Variants in RYR1 observed in about 807,000 individuals in gnomAD.
RYR1 encodes the protein central core disease of muscle.
A neutral mutation model predicts 583.5 loss-of-function variants in RYR1; 342 were observed. The observed-to-expected ratio is 0.59, with a 90% CI of 0.54 to 0.64. RYR1 has a LOEUF of 0.64. Among genes scored for constraint, RYR1 ranks in the 30% least tolerant of loss-of-function variants. The pLI is 0.00. For synonymous variants in RYR1, 2,791 were observed against 2,822.5 expected (o/e 0.99, Z 0.35); for missense variants, 6,032 against 6,917.2 (o/e 0.87, Z 4.54).
intron 97 of RYR1, 130 bp from the exon 98 acceptor site, chr19:38,577,788 T>C (rs1974022304): frequency 2.8e-5 from 34 of 1,219,950 alleles, no homozygotes; most frequent in Non-Finnish European, 3.6e-5. Flanking sequence ...AGAGGGAGAC[T>C]GTCTCAAAAA....
chr19:38,543,427 C>T lies in RYR1; in HGVS notation c.11770C>T (p.Arg3924Trp). The change falls in exon 85 of 106, where the codon CGG becomes TGG. Residue 3924 changes from arginine (R) to tryptophan (W), a missense_variant. Physicochemically the swap from Arg to Trp is moderately radical, Grantham distance 101. Around this residue, in one of 11 missense-constraint regions of RYR1, gnomAD observed 1,493 missense variants for 1,715.5 expected, o/e 0.87. Coordinates refer to ENST00000359596, the MANE Select transcript of RYR1 (RefSeq NM_000540.3). This position sits in a 1 kb window ranked among gnomAD's most constrained non-coding sequence, Gnocchi z 4.4. ...IIICTVDYLL[R>W]LQESISDFYW... ...CATTTGCACTGTGGACTACCTCCTG[C>T]GGCTGCAGGTGAGGACGTGAGACGG... is the stretch of plus-strand genomic sequence containing the variant. The T allele has an allele frequency of 3.1e-6, 5 of 1,614,220 alleles. No individual in the cohort carries two copies. Among genetic ancestry groups the T allele is most frequent in the South Asian group, 1.1e-5 (1 of 91,086 alleles).
chr19:38,536,748 A>G lies in RYR1; in HGVS notation c.11591-2A>G. ...CTCCTCCCATCCTGTTGGCTGCCCC[A>G]GTCATCAATCGCCAGAACGGTAATT... On this transcript the variant is annotated splice_acceptor_variant, in intron 82 of 105. Coordinates refer to ENST00000359596, the MANE Select transcript of RYR1 (RefSeq NM_000540.3). LOFTEE classifies it high-confidence loss of function. 1.2e-6 allele frequency: 2 copies of G among 1,613,474 alleles called. No homozygotes were observed.
At chr19:38,489,506 G>A in intron 35 of RYR1, 63 bp downstream of exon 35, 1 of 1,593,038 alleles carries the variant, frequency 6.3e-7, no homozygotes, top group Non-Finnish European at 8.6e-7. Context: ...CAGGGTAGGT[G>A]GGATGTGAGT....
At position 38,489,282 on chromosome 19, in the gene RYR1, G is replaced by A; in HGVS notation, c.5653G>A (p.Glu1885Lys). ...GGAGGAGGACGAGGAGGAAGAGGGT[G>A]AAGAGGAAGATGAGGAGGAGAAGGA... ...EEEEDEEEEG[E>K]EEDEEEKEED... The change falls in exon 35 of 106, where the codon GAA (glutamate) becomes AAA (lysine). Residue 1885 changes from glutamate (E) to lysine (K), a missense_variant. Transcript: ENST00000359596. 6.2e-7 allele frequency: 1 copy of A among 1,606,784 alleles called. No homozygotes were observed. Among genetic ancestry groups the A allele is most frequent in the Non-Finnish European group, 8.5e-7 (1 of 1,173,516 alleles).
At chr19:38,581,039 C>T (rs958395347) in intron 101 of RYR1, among the ~76,000 whole-genome samples, 1 of 151,924 alleles carries the variant, frequency 6.6e-6, no homozygotes, top group Non-Finnish European at 1.5e-5. Flanking sequence ...GCTGGGACTA[C>T]AGGCGCATGC....
intron 13 of RYR1, among the ~76,000 whole-genome samples, chr19:38,453,984 C>T (rs1488387663): frequency 6.6e-6 from 1 of 152,186 alleles, no homozygotes; most frequent in Non-Finnish European, 1.5e-5. Flanking sequence ...CTTTGAGGCA[C>T]TGCTCCTCTC....
intron 11 of RYR1, among the ~76,000 whole-genome samples, chr19:38,450,175 CCAGAG>C (rs1261584182): frequency 1.3e-5 from 2 of 152,040 alleles, no homozygotes; most frequent in Non-Finnish European, 2.9e-5. Context: ...AGCAGGGAGA[CCAGAG>C]AAGAGACTGC....
chr19:38,457,588 G>A lies in RYR1; in HGVS notation c.1883G>A (p.Arg628His), dbSNP rs780833516. 31 of 1,614,002 alleles carry A rather than the reference G, an allele frequency of 1.9e-5. No homozygotes were observed. Among genetic ancestry groups the A allele is most frequent in the Middle Eastern group, 3.3e-4 (2 of 6,084 alleles). ...ATTACTGAGAACTTGCTGCCTGGCC[G>A]TGAGCTTCTGCTGCAGACAAACCTC... ...DLITENLLPG[R>H]ELLLQTNLIN... The change falls in exon 17 of 106, where the codon CGT becomes CAT. Residue 628 changes from arginine to histidine, a missense_variant. By Grantham distance (29) the Arg-to-His change is conservative. Transcript: ENST00000359596.
chr19:38,543,886 C>G lies in RYR1; in HGVS notation c.12012+11C>G. On this transcript the variant is annotated intron_variant, in intron 87 of 105. Coordinates refer to ENST00000359596, the MANE Select transcript of RYR1 (RefSeq NM_000540.3). The surrounding 1 kb of genome is among the most constrained non-coding windows in gnomAD (Gnocchi z 4.4). ...ATGAAGCTCGCTCAGGTTCGAGCCC[C>G]TCTGGTCTCCATCCACCTGCTTCCG... 1 of 1,611,384 alleles carries G rather than the reference C, an allele frequency of 6.2e-7. No individual in the cohort carries two copies. The highest frequency in any genetic ancestry group is 8.5e-7 in the Non-Finnish European group (1 of 1,179,248).
rs1568602195 is a variant in RYR1, at chr19:38,578,141, C to A, written c.14304-3C>A. ...GCATCTCTCCCCACCCCCGCCCCCACAGGCTCATGTCCATCGATGTCAAGT... is the reference window on the plus strand; with the variant it reads ...GCATCTCTCCCCACCCCCGCCCCCAAAGGCTCATGTCCATCGATGTCAAGT... On this transcript the variant is annotated splice_region_variant and splice_polypyrimidine_tract_variant and intron_variant, in intron 98 of 105. Coordinates refer to ENST00000359596, the MANE Select transcript of RYR1 (RefSeq NM_000540.3). 1 of 1,613,610 alleles carries A rather than the reference C, an allele frequency of 6.2e-7. No individual in the cohort carries two copies. The highest frequency in any genetic ancestry group is 8.5e-7 in the Non-Finnish European group (1 of 1,179,780).
In RYR1 at chr19:38,512,388, G is replaced by T. The variant is rs1194352757; in HGVS notation, c.9377G>T (p.Gly3126Val). 1.9e-6 allele frequency: 3 copies of T among 1,613,968 alleles called. No homozygotes were observed. The highest frequency in any genetic ancestry group is 4.5e-5 in the East Asian group (2 of 44,884). Residue 3126 changes from glycine (G) to valine (V), a missense_variant, in exon 63 of 106, where the codon GGC becomes GTC. Gly to Val is a moderately radical substitution (Grantham distance 109, BLOSUM62 -3). This residue lies in a region of RYR1 where 1,493 missense variants were observed against 1,715.5 expected (regional missense o/e 0.87). Transcript: ENST00000359596. The surrounding 1 kb of genome is among the most constrained non-coding windows in gnomAD (Gnocchi z 5.1). The stretch of plus-strand genomic sequence containing the variant: ...GCGCGCACCCAGGTGAAAGGCGTGG[G>T]CCAGAACCTCACCTACACCACTGTG... The part of the protein sequence containing the change: ...SQARTQVKGV[G>V]QNLTYTTVAL...
chr19:38,568,008 C>A, intron 93 of RYR1, 91 bp downstream of exon 93: 1 of 1,460,862 alleles, frequency 6.8e-7, no homozygotes, highest in Non-Finnish European at 9.5e-7. Context: ...TTCTTGAGTT[C>A]ATCTGTTCAA....
At position 38,504,738 on chromosome 19, in the gene RYR1, GT is replaced by G; in HGVS notation, c.8068-6del. ...CGACCTCCTACCCCTGCTTCACCCG[GT>G]TTTCCCAGAAATACGACCCGGAGCT... On this transcript the variant is annotated splice_polypyrimidine_tract_variant and intron_variant, in intron 50 of 105. Coordinates refer to ENST00000359596, the MANE Select transcript of RYR1 (RefSeq NM_000540.3). The G allele has an allele frequency of 6.2e-7, 1 of 1,613,956 alleles. No individual in the cohort carries two copies.
In RYR1 at chr19:38,448,673, C is replaced by A. The variant is rs193922762; in HGVS notation, c.982C>A (p.Arg328=). ...SKEKLDVAPK[R]DVEGMGPPEI... is the part of the protein sequence containing the mutation. The stretch of plus-strand genomic sequence containing the variant: ...GGAGAAGCTGGATGTGGCCCCCAAG[C>A]GGGATGTGGAGGGCATGGGCCCCCC... Residue 328 remains arginine (R), a synonymous_variant, in exon 11 of 106, where the codon CGG becomes AGG. Coordinates refer to ENST00000359596, the MANE Select transcript of RYR1 (RefSeq NM_000540.3). 6.2e-6 allele frequency: 10 copies of A among 1,614,088 alleles called. No homozygotes were observed. The highest frequency in any genetic ancestry group is 2.2e-5 in the East Asian group (1 of 44,898).
intron 89 of RYR1, among the ~76,000 whole-genome samples, chr19:38,551,329 C>A (rs148728668): frequency 2.0e-5 from 3 of 151,482 alleles, no homozygotes; most frequent in African/African-American, 7.3e-5. Context: ...GTGATCCGCC[C>A]GCCTCAGCCT....
Position 38,543,977 on chromosome 19 carries a change from C to G in RYR1, c.12012+102C>G, listed in dbSNP as rs947246465. The G allele has an allele frequency of 2.6e-6, 3 of 1,157,562 alleles. No individual in the cohort carries two copies. Among genetic ancestry groups the G allele is most frequent in the Middle Eastern group, 2.7e-4 (1 of 3,662 alleles). 71.7% of individuals were successfully genotyped at this position (1,157,562 alleles called of 1,614,324 possible). A position where few individuals can be genotyped will look rare whatever the true frequency, so the allele number is the denominator to read the frequency against. On this transcript the variant is annotated intron_variant, in intron 87 of 105. Coordinates refer to ENST00000359596, the MANE Select transcript of RYR1 (RefSeq NM_000540.3). The surrounding 1 kb of genome is among the most constrained non-coding windows in gnomAD (Gnocchi z 4.4). ...GGTCAGTTTGTCACCCGAGTGCTCC[C>G]GGCATGTTCCAGACTGGTTCCCTCT...
intron 18 of RYR1, 125 bp downstream of exon 18, chr19:38,458,417 T>TC: frequency 1.1e-6 from 1 of 949,942 alleles, no homozygotes; most frequent in Non-Finnish European, 1.6e-6. Context: ...TTTGACCTTT[T>TC]AGTCCTCATT....
intron 68 of RYR1, 37 bp downstream of exon 68, chr19:38,523,152 A>C (rs1568534862): frequency 6.2e-7 from 1 of 1,613,958 alleles, no homozygotes; most frequent in East Asian, 2.2e-5. Context: ...CCACAACCAG[A>C]GGAGCCGCAG....
Position 38,463,797 on chromosome 19 carries a change from C to G in RYR1, c.2733C>G (p.Ser911Arg). 1 of 1,614,036 alleles carries G rather than the reference C, an allele frequency of 6.2e-7. No homozygotes were observed. The highest frequency in any genetic ancestry group is 8.5e-7 in the Non-Finnish European group (1 of 1,180,018). ...ACCCGTGTCTTGTGGACTTCCACAG[C>G]CTTCCAGAGCCTGAGAGGAACTACA... ...RLHPCLVDFH[S>R]LPEPERNYNL... is the part of the protein sequence containing the mutation. The change falls in exon 22 of 106, where the codon AGC becomes AGG. Residue 911 changes from serine to arginine, a missense_variant. Ser to Arg is a moderately radical substitution (Grantham distance 110, BLOSUM62 -1). Around this residue, in one of 11 missense-constraint regions of RYR1, gnomAD observed 2,627 missense variants for 2,961.3 expected, o/e 0.89. Coordinates refer to ENST00000359596, the MANE Select transcript of RYR1 (RefSeq NM_000540.3).
Sources: allele counts gnomAD v4.1 joint callset (sites outside exome capture counted in the v4.1 genomes callset), GRCh38; gene constraint gnomAD v4.1.1; regional missense constraint gnomAD v4.1.1; non-coding constraint Gnocchi (gnomAD v3.1); transcripts MANE v1.5; gene names NCBI Gene and HGNC (gene_info 2026-07-23, HGNC 2026-07-21).